DUXA: variants seen among roughly 807,000 people sequenced by gnomAD.
The protein encoded by DUXA is double homeobox protein A.
A neutral mutation model predicts 27.5 loss-of-function variants in DUXA; 25 were observed. The ratio of observed to expected loss-of-function variants is 0.91; its 90% CI spans 0.66 to 1.27. The LOEUF is 1.27. DUXA is among the 50% of genes most tolerant of loss of function. DUXA has a pLI of 0.00. For missense variants in DUXA, 247 were observed against 242.9 expected, an observed-to-expected ratio of 1.02 and a Z score of -0.11; for synonymous variants, 90 against 80.5, an observed-to-expected ratio of 1.12 and a Z score of -0.63.
At chr19:57,161,425 C>A (rs950612550) in intron 1 of DUXA, among the ~76,000 whole-genome samples, 4 of 148,722 alleles carry the variant, frequency 2.7e-5, no homozygotes, top group Non-Finnish European at 4.4e-5. Context: ...AGATCGAGAC[C>A]ATCCTGGCTA....
chr19:57,157,452 C>T (rs536983167), intron 4 of DUXA, among the ~76,000 whole-genome samples: 1 of 152,212 alleles, frequency 6.6e-6, no homozygotes, highest in Admixed American at 6.5e-5. Context: ...CTCCCTCAGC[C>T]TGCCAAGTAG....
At chr19:57,155,396 T>A in intron 4 of DUXA, 24 bp from the exon 5 acceptor site, 1 of 1,542,504 alleles carries the variant, frequency 6.5e-7, no homozygotes, top group Non-Finnish European at 8.9e-7. Context: ...CAAAGAAACT[T>A]AATTTAAACA....
chr19:57,166,715 A>G (rs561925433), intron 1 of DUXA, among the ~76,000 whole-genome samples: 4 of 152,234 alleles, frequency 2.6e-5, no homozygotes, highest in Admixed American at 6.5e-5. Flanking sequence ...AATCTCATGC[A>G]ATGGGCCAAT....
intron 4 of DUXA, among the ~76,000 whole-genome samples, chr19:57,156,367 T>C (rs74577546): frequency 0.065 from 9,853 of 152,178 alleles, 720 homozygotes; most frequent in East Asian, 0.39. Flanking sequence ...CATATATACT[T>C]GTACGCACAC....
In DUXA at chr19:57,160,641, A is replaced by G; in HGVS notation, c.180+2T>C. The G allele has an allele frequency of 6.2e-7, 1 of 1,611,976 alleles. No homozygotes were observed. Among genetic ancestry groups the G allele is most frequent in the African/African-American group, 1.3e-5 (1 of 74,898 alleles). On this transcript the variant is annotated splice_donor_variant, in intron 2 of 5. Transcript: ENST00000554048. LOFTEE classifies it high-confidence loss of function. ...TCCTGGAGATATTGAACTTTAACTT[A>G]CCTGGATTCTGGACTCTTCTGTATT...
At chr19:57,165,322 A>ATATATATATATATATATATATATGT (rs1484903570) in intron 1 of DUXA, among the ~76,000 whole-genome samples, 2 of 89,112 alleles carry the variant, frequency 2.2e-5, no homozygotes, top group Admixed American at 1.3e-4. Context: ...AAAAAAAAAA[A>ATATATATATATATATATATATATGT]AAATATATAT....
intron 5 of DUXA, 100 bp from the exon 6 acceptor site, chr19:57,154,582 TA>T: frequency 1.1e-6 from 1 of 878,788 alleles, no homozygotes; most frequent in South Asian, 1.6e-5. Flanking sequence ...TTTTTTTTTT[TA>T]GACGGAGTCT....
In DUXA at chr19:57,167,471, C is replaced by T; in HGVS notation, c.-28G>A. ...TGGAAGAGAGTCCTGAAGGCTGAGCCACTGTCTGGGAGACAAGTCACTCTG... is the reference window on the plus strand; with the variant it reads ...TGGAAGAGAGTCCTGAAGGCTGAGCTACTGTCTGGGAGACAAGTCACTCTG... On this transcript the variant is annotated 5_prime_UTR_variant, in exon 1 of 6. Coordinates refer to ENST00000554048, the MANE Select transcript of DUXA (RefSeq NM_001012729.2). The T allele has an allele frequency of 6.2e-7, 1 of 1,612,092 alleles. No individual in the cohort carries two copies.
chr19:57,159,143 A>T (rs1359904850), intron 3 of DUXA, 24 bp downstream of exon 3: 6 of 1,593,040 alleles, frequency 3.8e-6, no homozygotes, highest in Non-Finnish European at 5.1e-6. Context: ...TCTGCTGGGG[A>T]ACAGAACTAA....
At chr19:57,154,684 C>T (rs1241450677) in intron 5 of DUXA, among the ~76,000 whole-genome samples, 1 of 151,984 alleles carries the variant, frequency 6.6e-6, no homozygotes, top group Non-Finnish European at 1.5e-5. Context: ...CTGCCTCAGC[C>T]TCCCGAGTAG....
At chr19:57,162,409 T>C (rs1357547054) in intron 1 of DUXA, among the ~76,000 whole-genome samples, 1 of 152,180 alleles carries the variant, frequency 6.6e-6, no homozygotes, top group Non-Finnish European at 1.5e-5. Context: ...GGAAAGCATT[T>C]TGGAAGATAC....
At chr19:57,159,375 G>T in intron 2 of DUXA, 97 bp from the exon 3 acceptor site, 1 of 1,092,862 alleles carries the variant, frequency 9.2e-7, no homozygotes, top group Non-Finnish European at 1.3e-6. Context: ...TTGGGCCTAG[G>T]CCCAGGATTA....
intron 3 of DUXA, 70 bp downstream of exon 3, chr19:57,159,097 T>C: frequency 2.2e-6 from 3 of 1,375,472 alleles, no homozygotes; most frequent in Admixed American, 4.1e-5. Flanking sequence ...AGACATTCTT[T>C]TTTCAAAGTC....
chr19:57,166,822 A>G (rs2087057569), intron 1 of DUXA, among the ~76,000 whole-genome samples: 1 of 152,154 alleles, frequency 6.6e-6, no homozygotes, highest in South Asian at 2.1e-4. Context: ...TGGGGGAAAA[A>G]ATGGAGTCAG....
chr19:57,156,584 A>G (rs964035109), intron 4 of DUXA, among the ~76,000 whole-genome samples: 1 of 151,918 alleles, frequency 6.6e-6, no homozygotes, highest in Admixed American at 6.6e-5. Context: ...AATTTTTTTC[A>G]TAGAGTTGTG....
rs1379675373 is a variant in DUXA at position 57,154,485 on chromosome 19, A to G, written c.545-3T>C. 7.4e-6 allele frequency: 12 copies of G among 1,611,334 alleles called. No individual in the cohort carries two copies. The highest frequency in any genetic ancestry group is 1.0e-5 in the Non-Finnish European group (12 of 1,177,738). On this transcript the variant is annotated splice_polypyrimidine_tract_variant and splice_region_variant and intron_variant, in intron 5 of 5. Coordinates refer to ENST00000554048, the MANE Select transcript of DUXA (RefSeq NM_001012729.2). ...GCCATTTTGTGTATCTTCTGCACCT[A>G]AGGAGGAAAAAAGATAGAGGAAAGA...
intron 2 of DUXA, among the ~76,000 whole-genome samples, chr19:57,160,096 C>G (rs948555254): frequency 6.6e-6 from 1 of 152,048 alleles, no homozygotes; most frequent in Admixed American, 6.6e-5. Flanking sequence ...CACAGCGAGA[C>G]TCTGTCTCAA....
intron 1 of DUXA, among the ~76,000 whole-genome samples, 161 bp from the exon 2 acceptor site, chr19:57,160,958 G>A (rs984008647): frequency 4.6e-5 from 7 of 152,170 alleles, no homozygotes; most frequent in Admixed American, 2.0e-4. Flanking sequence ...ACACAATGGC[G>A]ATTTTTCAAC....
rs778649278 is a variant in DUXA at position 57,155,229 on chromosome 19, C to T, written c.544+38G>A. On this transcript the variant is annotated intron_variant, in intron 5 of 5. Coordinates refer to ENST00000554048, the MANE Select transcript of DUXA (RefSeq NM_001012729.2). ...ACGAAGCACTGGACATCCAAGGGCT[C>T]CGCTTGTGAACCACATTGGAAACAA... 2.5e-6 allele frequency: 4 copies of T among 1,587,358 alleles called. No individual in the cohort carries two copies. In the South Asian group the frequency reaches 4.4e-5, roughly 18 times the overall value.
Sources: gnomAD v4.1 joint callset for allele counts (sites outside exome capture counted in the v4.1 genomes callset) on GRCh38, gnomAD v4.1.1 for gene constraint, MANE v1.5 for transcripts, NCBI Gene and HGNC (gene_info 2026-07-23, HGNC 2026-07-21) for gene names.